The following CREB3L2 variants were observed in gnomAD, a reference collection of about 807,000 sequenced individuals.
CREB3L2 encodes the protein cAMP responsive element binding protein 3 like 2, also known as cyclic AMP-responsive element-binding protein 3-like protein 2.
A neutral mutation model predicts 57.2 loss-of-function variants in CREB3L2; 23 were observed. That is an observed-to-expected ratio of 0.40 (90% CI 0.29 to 0.57). The LOEUF (loss-of-function observed/expected upper bound fraction) is 0.57, where lower values mean the gene tolerates loss of function less well. Ranked by LOEUF, CREB3L2 falls within the 20% of genes least tolerant of loss-of-function variation. The pLI, the probability that CREB3L2 is intolerant of heterozygous loss-of-function variation, is 0.42. For missense variants in CREB3L2, 628 were observed against 634.7 expected, an observed-to-expected ratio of 0.99 and a Z score of 0.11; for synonymous variants, 268 against 265.1, an observed-to-expected ratio of 1.01 and a Z score of -0.11.
At chr7:137,974,633 C>A (rs1175723988) in intron 1 of CREB3L2, among the ~76,000 whole-genome samples, 1 of 152,082 alleles carries the variant, frequency 6.6e-6, no homozygotes, top group Non-Finnish European at 1.5e-5. Context: ...TGGCAAAAGA[C>A]AGGGATAGCT....
At chr7:137,906,093 A>G (rs1483034197) in intron 5 of CREB3L2, among the ~76,000 whole-genome samples, 1 of 152,126 alleles carries the variant, frequency 6.6e-6, no homozygotes, top group Non-Finnish European at 1.5e-5. Flanking sequence ...AGAAGCCTCC[A>G]CCCATTATTT....
intron 2 of CREB3L2, among the ~76,000 whole-genome samples, chr7:137,925,476 G>A (rs1357133155): frequency 6.6e-6 from 1 of 152,166 alleles, no homozygotes; most frequent in African/African-American, 2.4e-5. Flanking sequence ...AAAATGTAAT[G>A]TATATAGCTG....
At chr7:137,938,447 G>A (rs899553880) in intron 1 of CREB3L2, among the ~76,000 whole-genome samples, 2 of 152,076 alleles carry the variant, frequency 1.3e-5, no homozygotes, top group African/African-American at 4.8e-5. Flanking sequence ...CTGGGTTCAA[G>A]CGATTCTCTT....
chr7:137,943,633 C>T (rs1800913838), intron 1 of CREB3L2, among the ~76,000 whole-genome samples: 1 of 152,082 alleles, frequency 6.6e-6, no homozygotes, highest in African/African-American at 2.4e-5. Context: ...TTCTAGGAAG[C>T]CTAGAAAAAA....
chr7:137,976,380 C>T (rs186291466), intron 1 of CREB3L2, among the ~76,000 whole-genome samples: 6 of 152,360 alleles, frequency 3.9e-5, no homozygotes, highest in African/African-American at 1.4e-4. Flanking sequence ...GCAGTGGCCA[C>T]TCGTTAATTT....
chr7:137,991,898 A>T (rs1349322143), intron 1 of CREB3L2, among the ~76,000 whole-genome samples: 1 of 113,290 alleles, frequency 8.8e-6, no homozygotes, highest in Non-Finnish European at 1.9e-5. Flanking sequence ...ACAGAGCAAG[A>T]CTCTGCCTCA....
intron 2 of CREB3L2, among the ~76,000 whole-genome samples, chr7:137,917,655 A>C (rs914065391): frequency 1.3e-5 from 2 of 152,218 alleles, no homozygotes; most frequent in Admixed American, 1.3e-4. Flanking sequence ...ACTAAGAACT[A>C]AAATCTACGA....
At chr7:137,908,154 A>G in intron 5 of CREB3L2, 98 bp downstream of exon 5, 1 of 910,110 alleles carries the variant, frequency 1.1e-6, no homozygotes, top group Non-Finnish European at 1.5e-6. Context: ...ACAAAAGTAA[A>G]AACCAAACAG....
intron 4 of CREB3L2, among the ~76,000 whole-genome samples, chr7:137,910,825 T>A (rs903213105): frequency 1.3e-5 from 2 of 152,208 alleles, no homozygotes; most frequent in African/African-American, 4.8e-5. Flanking sequence ...CAGAGGCACC[T>A]CAGGATCAGA....
At chr7:137,903,083 G>A (rs774973032) in intron 7 of CREB3L2, among the ~76,000 whole-genome samples, 7 of 152,178 alleles carry the variant, frequency 4.6e-5, no homozygotes, top group Non-Finnish European at 8.8e-5. Flanking sequence ...AAAGCACGGG[G>A]ATTATAAGAG....
chr7:137,960,216 T>A (rs1353325494), intron 1 of CREB3L2, among the ~76,000 whole-genome samples: 1 of 152,232 alleles, frequency 6.6e-6, no homozygotes, highest in Non-Finnish European at 1.5e-5. Context: ...GTGGTTTGCA[T>A]GTGCTGGAGC....
intron 1 of CREB3L2, chr7:137,955,103 C>T (rs1801181638): frequency 5.4e-6 from 2 of 368,936 alleles, no homozygotes; most frequent in Non-Finnish European, 1.1e-5. Flanking sequence ...CCATGATAAA[C>T]CAATCACTCT....
At chr7:137,990,951 T>A (rs1801883154) in intron 1 of CREB3L2, among the ~76,000 whole-genome samples, 1 of 152,194 alleles carries the variant, frequency 6.6e-6, no homozygotes, top group Admixed American at 6.5e-5. Flanking sequence ...GGACTTTTTT[T>A]TCCAATGTTA....
At chr7:137,908,028 G>C (rs1388921039) in intron 5 of CREB3L2, among the ~76,000 whole-genome samples, 2 of 152,222 alleles carry the variant, frequency 1.3e-5, no homozygotes, top group African/African-American at 4.8e-5. Flanking sequence ...CTGGAAGTGT[G>C]CATGTGAAAA....
intron 7 of CREB3L2, among the ~76,000 whole-genome samples, chr7:137,902,262 G>A (rs1303496247): frequency 6.6e-6 from 1 of 150,754 alleles, no homozygotes; most frequent in Non-Finnish European, 1.5e-5. Context: ...AATAGTGACA[G>A]TACAAAATAT....
chr7:137,927,388 A>T (rs1800494418), intron 2 of CREB3L2, among the ~76,000 whole-genome samples: 1 of 127,306 alleles, frequency 7.9e-6, no homozygotes, highest in African/African-American at 3.1e-5. Context: ...GAAGGAAGGG[A>T]GGGAAGGAGG....
At chr7:137,999,372 G>A (rs1185466548) in intron 1 of CREB3L2, among the ~76,000 whole-genome samples, 1 of 72,656 alleles carries the variant, frequency 1.4e-5, no homozygotes, top group African/African-American at 4.1e-5. Flanking sequence ...TATTGTTTAT[G>A]TTCCCCTACA....
intron 1 of CREB3L2, chr7:137,956,758 G>C (rs1801221577): frequency 1.6e-6 from 1 of 618,990 alleles, no homozygotes; most frequent in Non-Finnish European, 2.6e-6. Flanking sequence ...GCGATTGCTA[G>C]CATACAGCAT....
rs899199084 is a variant in CREB3L2, at chr7:137,878,715, C to G, written c.*1761G>C. 1 of 234,314 alleles carries G rather than the reference C, an allele frequency of 4.3e-6. No individual in the cohort carries two copies. The highest frequency in any genetic ancestry group is 2.2e-5 in the African/African-American group (1 of 45,328). The allele number at this position is 234,314 out of a possible 1,614,324, so 14.5% of individuals were successfully genotyped here. ...GCCGCTTTCCAGGCTGGAACCGTCT[C>G]CAGCATAGCAGAGAGAGGGGAATCA... On this transcript the variant is annotated 3_prime_UTR_variant, in exon 12 of 12. Coordinates refer to ENST00000330387, the MANE Select transcript of CREB3L2 (RefSeq NM_194071.4).
Sources: gnomAD v4.1 joint callset for allele counts (sites outside exome capture counted in the v4.1 genomes callset) on GRCh38, gnomAD v4.1.1 for gene constraint, MANE v1.5 for transcripts, NCBI Gene and HGNC (gene_info 2026-07-23, HGNC 2026-07-21) for gene names.